Variants in NOX5 observed in about 807,000 individuals in gnomAD.
The protein encoded by NOX5 is NADPH oxidase, EF-hand calcium binding domain 5.
Under a neutral mutation model 85.7 loss-of-function variants are expected in NOX5, and 76 were observed. The ratio of observed to expected loss-of-function variants is 0.89; its 90% CI spans 0.74 to 1.07. The LOEUF is 1.07. NOX5 is among the 50% of genes least tolerant of loss of function. The probability of loss-of-function intolerance (pLI) is 0.00; values close to 1 mark genes in which losing one functional copy is unlikely to be tolerated. For missense variants in NOX5, 973 were observed against 999.5 expected, an observed-to-expected ratio of 0.97 and a Z score of 0.36; for synonymous variants, 405 against 401.4, an observed-to-expected ratio of 1.01 and a Z score of -0.11.
rs1285542995 is a variant in NOX5, at chr15:69,058,406, G to C, written c.*1710G>C. 1 of 153,032 alleles carries C rather than the reference G, an allele frequency of 6.5e-6. No homozygotes were observed. The highest frequency in any genetic ancestry group is 6.5e-5 in the Admixed American group (1 of 15,292). 9.5% of individuals were successfully genotyped at this position (153,032 alleles called of 1,614,324 possible). On this transcript the variant is annotated 3_prime_UTR_variant, in exon 16 of 16. Transcript: ENST00000388866. The stretch of plus-strand genomic sequence containing the variant: ...TAGGAAGGGGATGGTGGAGGAAGAC[G>C]CTGAGGCAGGCCCTGGGAAGGGGAA...
At chr15:69,047,363 A>G in intron 11 of NOX5, 50 bp from the exon 12 acceptor site, 1 of 1,502,770 alleles carries the variant, frequency 6.7e-7, no homozygotes. Context: ...GTAGCAGGGG[A>G]GACCAGCGTC....
chr15:69,031,724 G>A lies in NOX5; in HGVS notation c.532G>A (p.Asp178Asn), dbSNP rs1451219779. 5.0e-6 allele frequency: 8 copies of A among 1,612,998 alleles called. No individual in the cohort carries two copies. The Admixed American group carries it at 6.7e-5, about 13-fold the overall frequency. ...QLTLALFESA[D>N]ADGNGAITFE... The stretch of plus-strand genomic sequence containing the variant: ...GACGCTGGCGCTCTTCGAATCGGCC[G>A]ACGCGGACGGCAACGGGGCCATCAC... Residue 178 changes from aspartate (D) to asparagine (N), a missense_variant, in exon 4 of 16, where the codon GAC becomes AAC. Coordinates refer to ENST00000388866, the MANE Select transcript of NOX5 (RefSeq NM_024505.4).
At chr15:69,036,000 G>A in intron 7 of NOX5, 64 bp downstream of exon 7, 1 of 1,594,254 alleles carries the variant, frequency 6.3e-7, no homozygotes, top group Non-Finnish European at 8.5e-7. Context: ...TTCTTTCTGT[G>A]TCCCCTCTGA....
intron 3 of NOX5, chr15:69,030,894 T>C (rs1187064608): frequency 6.6e-6 from 1 of 152,292 alleles, no homozygotes; most frequent in Admixed American, 6.5e-5. Flanking sequence ...AGCCCACTAT[T>C]GCACAGTTAA....
At chr15:69,031,336 C>A in intron 3 of NOX5, 182 bp from the exon 4 acceptor site, 4 of 638,502 alleles carry the variant, frequency 6.3e-6, no homozygotes, top group Non-Finnish European at 1.0e-5. Context: ...CCACTGAAGC[C>A]AAAGATTCTC....
In NOX5 at chr15:69,059,742, C is replaced by T. The variant is rs1201597774; in HGVS notation, c.*3046C>T. ...GCAGATGGGCATCATCGGCCATCAA[C>T]AGGAAAATGCATCCGGATGACTGGC... On this transcript the variant is annotated 3_prime_UTR_variant, in exon 16 of 16. Transcript: ENST00000388866. 1 of 152,232 alleles carries T rather than the reference C, an allele frequency of 6.6e-6. No homozygotes were observed. The highest frequency in any genetic ancestry group is 2.4e-5 in the African/African-American group (1 of 41,450). 9.4% of individuals were successfully genotyped at this position (152,232 alleles called of 1,614,324 possible).
intron 1 of NOX5, among the ~76,000 whole-genome samples, chr15:69,018,512 C>T (rs550718190): frequency 5.9e-4 from 90 of 152,158 alleles, no homozygotes; most frequent in Non-Finnish European, 9.4e-4. Context: ...TGCACCTCTC[C>T]CACCAAGTGA....
chr15:69,042,554 G>A, intron 9 of NOX5, 109 bp from the exon 10 acceptor site: 1 of 1,231,942 alleles, frequency 8.1e-7, no homozygotes, highest in Non-Finnish European at 1.1e-6. Context: ...ATTCAAACCA[G>A]GACTTGGAGG....
chr15:69,016,160 T>G (rs756434370), intron 1 of NOX5, among the ~76,000 whole-genome samples: 1 of 152,028 alleles, frequency 6.6e-6, no homozygotes, highest in Non-Finnish European at 1.5e-5. Flanking sequence ...GCCAATATAC[T>G]AAATAAAGTG....
In NOX5 at chr15:69,062,473, A is replaced by T. The variant is rs1481462580; in HGVS notation, c.*5777A>T. ...CCCCCAACATAAGCCCTAGATGAAG[A>T]TCTGCTACCATTACAGCCAGTATTA... On this transcript the variant is annotated 3_prime_UTR_variant, in exon 16 of 16. Coordinates refer to ENST00000388866, the MANE Select transcript of NOX5 (RefSeq NM_024505.4). 6.6e-6 allele frequency: 1 copy of T among 152,138 alleles called. No homozygotes were observed. Among genetic ancestry groups the T allele is most frequent in the East Asian group, 1.9e-4 (1 of 5,170 alleles). The allele number at this position is 152,138 out of a possible 1,614,324, so 9.4% of individuals were successfully genotyped here. A position where few individuals can be genotyped will look rare whatever the true frequency, so the allele number is the denominator to read the frequency against.
chr15:69,046,769 T>A (rs1303658664), intron 10 of NOX5, 53 bp from the exon 11 acceptor site: 1 of 1,537,036 alleles, frequency 6.5e-7, no homozygotes, highest in Non-Finnish European at 8.9e-7. Flanking sequence ...TTCTAAGAAA[T>A]CCCTAACACT....
At chr15:69,047,175 T>C (rs2050684436) in intron 11 of NOX5, 1 of 585,238 alleles carries the variant, frequency 1.7e-6, no homozygotes, top group Admixed American at 3.2e-5. Context: ...GGGATGCGAA[T>C]TGGGTCCTTG....
intron 8 of NOX5, 142 bp downstream of exon 8, chr15:69,037,352 AG>A: frequency 1.2e-6 from 1 of 844,256 alleles, no homozygotes; most frequent in South Asian, 1.8e-5. Context: ...GGAGGAGAGA[AG>A]CAAAATGCAA....
intron 10 of NOX5, 32 bp downstream of exon 10, chr15:69,042,837 C>T (rs1379940185): frequency 6.2e-7 from 1 of 1,602,934 alleles, no homozygotes; most frequent in Non-Finnish European, 8.5e-7. Context: ...GGGGTCCACT[C>T]TGCTGGCAAG....
chr15:69,038,742 G>C (rs780311912), intron 8 of NOX5, 115 bp from the exon 9 acceptor site: 1 of 1,413,688 alleles, frequency 7.1e-7, no homozygotes, highest in East Asian at 2.3e-5. Context: ...GTCATGTCTC[G>C]GGGCATGCCT....
In NOX5 at chr15:69,052,829, C is replaced by A. The variant is rs143479670; in HGVS notation, c.2000-2505C>A. Among the ~76,000 whole-genome samples the A allele has an allele frequency of 2.5e-3, 380 of 152,318 alleles. 4 individuals carry two copies. Among genetic ancestry groups the A allele is most frequent in the African/African-American group, 8.9e-3 (370 of 41,566 alleles). On this transcript the variant is annotated intron_variant, in intron 14 of 15. Transcript: ENST00000388866. ...GCAAATATTTATATAACATTGACTT[C>A]ATTTTTCTAAATGCTTTTACGTATA...
intron 5 of NOX5, among the ~76,000 whole-genome samples, chr15:69,034,192 A>G (rs1027534981): frequency 4.6e-5 from 7 of 152,072 alleles, no homozygotes; most frequent in Non-Finnish European, 1.0e-4. Context: ...AGTGGGTTTT[A>G]TAGGTTTTAT....
intron 10 of NOX5, 85 bp from the exon 11 acceptor site, chr15:69,046,737 C>T: frequency 7.5e-7 from 1 of 1,335,250 alleles, no homozygotes; most frequent in South Asian, 1.4e-5. Flanking sequence ...TAAAGTTGCT[C>T]AGACTGGCAA....
chr15:69,044,085 G>A (rs2050631172), intron 10 of NOX5, among the ~76,000 whole-genome samples: 1 of 152,044 alleles, frequency 6.6e-6, no homozygotes, highest in Non-Finnish European at 1.5e-5. Context: ...TCGGGAGGCT[G>A]GGGCAGGAGA....
Sources: gnomAD v4.1 joint callset for allele counts (sites outside exome capture counted in the v4.1 genomes callset) on GRCh38, gnomAD v4.1.1 for gene constraint, MANE v1.5 for transcripts, NCBI Gene and HGNC (gene_info 2026-07-23, HGNC 2026-07-21) for gene names.